CNTNAP4: variants seen among roughly 807,000 people sequenced by gnomAD.
CNTNAP4 encodes contactin associated protein family member 4.
Under a neutral mutation model 148.4 loss-of-function variants are expected in CNTNAP4, and 98 were observed. That is an observed-to-expected ratio of 0.66 (90% CI 0.56 to 0.78). CNTNAP4 has a LOEUF of 0.78. Among genes scored for constraint, CNTNAP4 ranks in the 30% least tolerant of loss-of-function variants. The pLI is 0.00. For synonymous variants in CNTNAP4, 730 were observed against 565.1 expected (o/e 1.29, Z -4.14); for missense variants, 1,935 against 1,565.6 (o/e 1.24, Z -3.98).
chr16:76,539,141 T>C (rs2144276126), intron 19 of CNTNAP4, among the ~76,000 whole-genome samples: 1 of 152,202 alleles, frequency 6.6e-6, no homozygotes, highest in Admixed American at 6.5e-5. Context: ...TTGAAAGATA[T>C]CCTGTGAAAT....
intron 3 of CNTNAP4, among the ~76,000 whole-genome samples, chr16:76,382,145 A>C (rs2016048334): frequency 6.9e-6 from 1 of 145,552 alleles, no homozygotes; most frequent in Non-Finnish European, 1.5e-5. Flanking sequence ...GACAGAAGCT[A>C]GACTTTTTTT....
At chr16:76,446,417 C>G (rs1027102758) in intron 4 of CNTNAP4, among the ~76,000 whole-genome samples, 6 of 152,124 alleles carry the variant, frequency 3.9e-5, no homozygotes, top group African/African-American at 1.4e-4. Context: ...GAAATGTAGA[C>G]AATACCGTCA....
chr16:76,487,303 G>A (rs758967134), intron 12 of CNTNAP4, among the ~76,000 whole-genome samples: 20 of 152,076 alleles, frequency 1.3e-4, no homozygotes, highest in African/African-American at 2.7e-4. Flanking sequence ...TGTCTTCTGC[G>A]TTTTCTATCA....
intron 3 of CNTNAP4, among the ~76,000 whole-genome samples, chr16:76,375,699 C>T (rs1302205234): frequency 6.6e-6 from 1 of 152,144 alleles, no homozygotes; most frequent in Non-Finnish European, 1.5e-5. Context: ...GGGTAGCAAA[C>T]ATCATGAACA....
intron 10 of CNTNAP4, among the ~76,000 whole-genome samples, chr16:76,472,697 G>A (rs1167769815): frequency 6.6e-6 from 1 of 152,128 alleles, no homozygotes; most frequent in Non-Finnish European, 1.5e-5. Flanking sequence ...TTGCCATTGT[G>A]AATACTAATG....
intron 3 of CNTNAP4, among the ~76,000 whole-genome samples, chr16:76,390,382 G>A (rs531353708): frequency 6.6e-6 from 1 of 152,176 alleles, no homozygotes; most frequent in African/African-American, 2.4e-5. Context: ...GTGTGAGCTG[G>A]GCTATACATA....
intron 1 of CNTNAP4, among the ~76,000 whole-genome samples, chr16:76,310,931 A>G (rs1328273917): frequency 1.3e-5 from 2 of 152,078 alleles, no homozygotes. Flanking sequence ...ATGGGTCCTT[A>G]GGTAAATTGT....
chr16:76,364,782 AT>A (rs1298427904), intron 3 of CNTNAP4, among the ~76,000 whole-genome samples: 12 of 152,182 alleles, frequency 7.9e-5, no homozygotes, highest in Non-Finnish European at 1.6e-4. Flanking sequence ...TATATTTTAA[AT>A]AGAGACGAGA....
chr16:76,428,472 A>G (rs2079494983), intron 4 of CNTNAP4, among the ~76,000 whole-genome samples: 2 of 151,422 alleles, frequency 1.3e-5, no homozygotes, highest in Non-Finnish European at 2.9e-5. Flanking sequence ...AGCTTTTTTC[A>G]TACATACGCT....
intron 1 of CNTNAP4, among the ~76,000 whole-genome samples, chr16:76,287,072 T>C (rs1220008596): frequency 6.6e-6 from 1 of 152,164 alleles, no homozygotes; most frequent in Non-Finnish European, 1.5e-5. Context: ...ACATACAGCT[T>C]CATAACACTA....
intron 3 of CNTNAP4, among the ~76,000 whole-genome samples, chr16:76,388,398 A>G (rs953615944): frequency 4.6e-5 from 7 of 152,256 alleles, no homozygotes; most frequent in African/African-American, 1.4e-4. Context: ...TACTTGAGGC[A>G]GTAATGAAGT....
At chr16:76,413,291 C>T (rs185451398) in intron 3 of CNTNAP4, among the ~76,000 whole-genome samples, 2 of 151,366 alleles carry the variant, frequency 1.3e-5, no homozygotes, top group Admixed American at 6.6e-5. Flanking sequence ...CATCTGTCTA[C>T]TCTCTATGTC....
intron 2 of CNTNAP4, among the ~76,000 whole-genome samples, chr16:76,331,692 A>G (rs1335921183): frequency 6.6e-6 from 1 of 152,218 alleles, no homozygotes; most frequent in Non-Finnish European, 1.5e-5. Context: ...GCACTAACAT[A>G]GACACATAGT....
intron 2 of CNTNAP4, among the ~76,000 whole-genome samples, chr16:76,353,219 GAAGA>G (rs2012083751): frequency 1.3e-5 from 2 of 152,134 alleles, no homozygotes; most frequent in Admixed American, 1.3e-4. Context: ...TGATTCACTT[GAAGA>G]AAGATGGAAA....
intron 3 of CNTNAP4, among the ~76,000 whole-genome samples, chr16:76,395,230 T>C (rs2078156483): frequency 6.6e-6 from 1 of 151,856 alleles, no homozygotes; most frequent in Non-Finnish European, 1.5e-5. Context: ...TTTGATATTA[T>C]TAATTTTTTT....
At chr16:76,364,576 G>A (rs778439105) in intron 3 of CNTNAP4, among the ~76,000 whole-genome samples, 2 of 151,954 alleles carry the variant, frequency 1.3e-5, no homozygotes, top group Non-Finnish European at 2.9e-5. Flanking sequence ...CTCTTACCAC[G>A]GCTGCGATAC....
intron 10 of CNTNAP4, among the ~76,000 whole-genome samples, chr16:76,468,914 A>G (rs2081271284): frequency 6.6e-6 from 1 of 152,246 alleles, no homozygotes; most frequent in African/African-American, 2.4e-5. Flanking sequence ...AACAATTTTT[A>G]AAACAGTGTG....
chr16:76,331,583 T>C, intron 2 of CNTNAP4, among the ~76,000 whole-genome samples: 1 of 152,138 alleles, frequency 6.6e-6, no homozygotes, highest in East Asian at 1.9e-4. Flanking sequence ...TGAATTAATA[T>C]TCCTTAGCTT....
At chr16:76,377,597 A>T (rs1057142202) in intron 3 of CNTNAP4, among the ~76,000 whole-genome samples, 1 of 152,188 alleles carries the variant, frequency 6.6e-6, no homozygotes, top group African/African-American at 2.4e-5. Flanking sequence ...AAGGCTTTTG[A>T]AGCAGAGAGT....
Sources: allele counts gnomAD v4.1 joint callset (sites outside exome capture counted in the v4.1 genomes callset), GRCh38; gene constraint gnomAD v4.1.1; transcripts MANE v1.5; gene names NCBI Gene and HGNC (gene_info 2026-07-23, HGNC 2026-07-21).